Variants in SETD3 observed in about 807,000 individuals in gnomAD.
The protein encoded by SETD3 is SET domain containing 3, actin N3(tau)-histidine methyltransferase.
SETD3 carries 19 observed loss-of-function variants against 63.0 expected under a neutral mutation model. The ratio of observed to expected loss-of-function variants is 0.30; its 90% CI spans 0.21 to 0.44. The LOEUF (loss-of-function observed/expected upper bound fraction) is 0.44, where lower values mean the gene tolerates loss of function less well. SETD3 is among the 20% of genes least tolerant of loss of function. The pLI, the probability that SETD3 is intolerant of heterozygous loss-of-function variation, is 1.00. For synonymous variants in SETD3, 286 were observed against 264.1 expected, an observed-to-expected ratio of 1.08 and a Z score of -0.80; for missense variants, 587 against 728.5, an observed-to-expected ratio of 0.81 and a Z score of 2.24.
At chr14:99,445,335 C>G (rs1894074213) in intron 6 of SETD3, among the ~76,000 whole-genome samples, 1 of 152,212 alleles carries the variant, frequency 6.6e-6, no homozygotes, top group Non-Finnish European at 1.5e-5. Flanking sequence ...TATACATTCA[C>G]TCAAGTTCAA....
chr14:99,443,048 A>G (rs1893921479), intron 6 of SETD3, among the ~76,000 whole-genome samples: 1 of 152,068 alleles, frequency 6.6e-6, no homozygotes, highest in Non-Finnish European at 1.5e-5. Flanking sequence ...TTATCTTCTG[A>G]TAGGGAGAGT....
chr14:99,406,046 C>T (rs187250377), intron 9 of SETD3, among the ~76,000 whole-genome samples: 77 of 152,194 alleles, frequency 5.1e-4, no homozygotes, highest in Non-Finnish European at 8.5e-4. Context: ...AAGGCTTACC[C>T]CTCCTCCCAC....
chr14:99,416,952 G>A (rs982224331), intron 6 of SETD3, among the ~76,000 whole-genome samples: 2 of 152,058 alleles, frequency 1.3e-5, no homozygotes, highest in South Asian at 2.1e-4. Context: ...ATATTGTACC[G>A]AGTACAAAAT....
intron 1 of SETD3, among the ~76,000 whole-genome samples, chr14:99,474,875 A>T (rs1595282695): frequency 6.7e-6 from 1 of 149,692 alleles, no homozygotes; most frequent in African/African-American, 2.5e-5. Flanking sequence ...GCTTTTCGCA[A>T]TTTTTTTTTT....
At chr14:99,435,613 A>G (rs1468339287) in intron 6 of SETD3, among the ~76,000 whole-genome samples, 1 of 152,200 alleles carries the variant, frequency 6.6e-6, no homozygotes, top group East Asian at 1.9e-4. Flanking sequence ...CTAAAGGGCC[A>G]TGACAGGAAG....
At chr14:99,418,473 C>T (rs1341174624) in intron 6 of SETD3, among the ~76,000 whole-genome samples, 1 of 152,102 alleles carries the variant, frequency 6.6e-6, no homozygotes, top group Non-Finnish European at 1.5e-5. Context: ...CAAACTCTCA[C>T]ATTTGGCCTT....
chr14:99,424,515 C>T (rs1165027165), intron 6 of SETD3, among the ~76,000 whole-genome samples: 6 of 152,176 alleles, frequency 3.9e-5, no homozygotes, highest in Non-Finnish European at 8.8e-5. Flanking sequence ...GGAAGACAGA[C>T]AGGACATCAT....
At chr14:99,421,985 A>C (rs368701612) in intron 6 of SETD3, among the ~76,000 whole-genome samples, 42 of 152,328 alleles carry the variant, frequency 2.8e-4, no homozygotes, top group African/African-American at 9.4e-4. Flanking sequence ...TTCACCATAG[A>C]GGTATTATAA....
chr14:99,440,865 C>T (rs1893769327), intron 6 of SETD3, among the ~76,000 whole-genome samples: 1 of 150,756 alleles, frequency 6.6e-6, no homozygotes, highest in African/African-American at 2.4e-5. Flanking sequence ...CCCAAGAGAA[C>T]ACAAGCCAGT....
rs1309058016 is a variant in SETD3, at chr14:99,398,698, G to C, written c.1766C>G (p.Thr589Ser). The change falls in exon 13 of 13, where the codon ACT becomes AGT. Residue 589 changes from threonine (T) to serine (S), a missense_variant. Physicochemically the swap from Thr to Ser is moderately conservative, Grantham distance 58. Coordinates refer to ENST00000331768, the MANE Select transcript of SETD3 (RefSeq NM_032233.3). ...EDAKGSSSDS[T>S]AGVKE is the part of the protein sequence containing the mutation. Reference sequence around the variant, plus strand: ...CTCGAGCTACTCCTTAACTCCAGCAGTGCTGTCTGAAGAAGATCCTTTGGC... The same window carrying C: ...CTCGAGCTACTCCTTAACTCCAGCACTGCTGTCTGAAGAAGATCCTTTGGC... 6.2e-7 allele frequency: 1 copy of C among 1,614,022 alleles called. No homozygotes were observed. The highest frequency in any genetic ancestry group is 2.2e-5 in the East Asian group (1 of 44,886).
intron 6 of SETD3, among the ~76,000 whole-genome samples, chr14:99,416,222 G>T (rs1892281539): frequency 1.3e-5 from 2 of 152,034 alleles, no homozygotes; most frequent in African/African-American, 4.8e-5. Context: ...TAAGCTCAAT[G>T]TATTAAAAAC....
chr14:99,410,939 T>C (rs888096997), intron 8 of SETD3, among the ~76,000 whole-genome samples: 5 of 152,192 alleles, frequency 3.3e-5, no homozygotes, highest in African/African-American at 4.8e-5. Context: ...ATCGTCAGGA[T>C]AGACACACAC....
At chr14:99,448,366 C>G (rs1056262748) in intron 6 of SETD3, among the ~76,000 whole-genome samples, 2 of 152,162 alleles carry the variant, frequency 1.3e-5, no homozygotes, top group Non-Finnish European at 1.5e-5. Flanking sequence ...CAGCTTCAGC[C>G]CCCTTCTCAC....
intron 5 of SETD3, among the ~76,000 whole-genome samples, chr14:99,458,774 CA>C (rs5810953): frequency 0.46 from 40,576 of 89,110 alleles, 7,491 homozygotes; most frequent in Middle Eastern, 0.57. Flanking sequence ...CCCATCACTA[CA>C]AAAAAAAAAA....
intron 1 of SETD3, among the ~76,000 whole-genome samples, chr14:99,476,785 T>TA (rs1221898312): frequency 2.6e-5 from 4 of 152,208 alleles, no homozygotes; most frequent in Non-Finnish European, 5.9e-5. Context: ...TCCTGATGAA[T>TA]TGTATTCTTA....
intron 1 of SETD3, among the ~76,000 whole-genome samples, chr14:99,480,067 G>A (rs1896191562): frequency 6.6e-6 from 1 of 152,252 alleles, no homozygotes; most frequent in Non-Finnish European, 1.5e-5. Context: ...AGGGCACTGC[G>A]CGTGTGGAGC....
At chr14:99,399,748 T>C (rs1430803075) in intron 12 of SETD3, among the ~76,000 whole-genome samples, 1 of 138,200 alleles carries the variant, frequency 7.2e-6, no homozygotes, top group Admixed American at 7.3e-5. Flanking sequence ...TAAATTTTTT[T>C]TTTTTTTTTT....
intron 6 of SETD3, 148 bp downstream of exon 6, chr14:99,458,131 A>G: frequency 2.1e-6 from 2 of 968,104 alleles, no homozygotes; most frequent in Non-Finnish European, 1.5e-6. Flanking sequence ...TGTAAAAACA[A>G]ACGATGAAAT....
At chr14:99,454,788 G>T (rs980575245) in intron 6 of SETD3, among the ~76,000 whole-genome samples, 1 of 152,106 alleles carries the variant, frequency 6.6e-6, no homozygotes, top group African/African-American at 2.4e-5. Context: ...AGTGATTTCA[G>T]CCCGAGCAGG....
Sources: gnomAD v4.1 joint callset for allele counts (sites outside exome capture counted in the v4.1 genomes callset) on GRCh38, gnomAD v4.1.1 for gene constraint, MANE v1.5 for transcripts, NCBI Gene and HGNC (gene_info 2026-07-23, HGNC 2026-07-21) for gene names.